The following PCDH8 variants were observed in gnomAD, a reference collection of about 807,000 sequenced individuals.
PCDH8 encodes the protein protocadherin 8, also known as protocadherin-8.
Under a neutral mutation model 58.2 loss-of-function variants are expected in PCDH8, and 36 were observed. The observed-to-expected ratio is 0.62, with a 90% CI of 0.47 to 0.82. The LOEUF (loss-of-function observed/expected upper bound fraction) is 0.82, where lower values mean the gene tolerates loss of function less well. PCDH8 is among the 40% of genes least tolerant of loss of function. PCDH8 has a pLI of 0.00. For synonymous variants in PCDH8, 775 were observed against 728.9 expected (o/e 1.06, Z -1.02); for missense variants, 1,493 against 1,567.8 (o/e 0.95, Z 0.81).
rs1240427701 is a variant in PCDH8 at position 52,844,905 on chromosome 13, C to T, written c.2868G>A (p.Lys956=). The change falls in exon 3 of 3, where the codon AAG becomes AAA. Residue 956 remains lysine, a synonymous_variant. Transcript: ENST00000377942. ...AGCAGCGGTCAGAGTGGCCCAGGAT[C>T]TTACACTCAGCGGTGCACGCCCACA... The part of the protein sequence containing the change: ...SGLWACTAEC[K]ILGHSDRCWS... 6.5e-7 allele frequency: 1 copy of T among 1,545,222 alleles called. No homozygotes were observed. Among genetic ancestry groups the T allele is most frequent in the East Asian group, 2.3e-5 (1 of 44,246 alleles).
In PCDH8 at chr13:52,847,264, C is replaced by G; in HGVS notation, c.1173G>C (p.Gly391=). ...GCGAAGTGGCACCAGCCTCCGGCGT[C>G]CCGGCTCCCGCCGGCGAGCTAGCGT... ...GADASSPAGA[G]TPEAGATSLV... Residue 391 remains glycine (G), a synonymous_variant, in exon 1 of 3, where the codon GGG becomes GGC. Transcript: ENST00000377942. 7.3e-7 allele frequency: 1 copy of G among 1,376,566 alleles called. No homozygotes were observed. The highest frequency in any genetic ancestry group is 9.3e-7 in the Non-Finnish European group (1 of 1,071,512). The allele number at this position is 1,376,566 out of a possible 1,614,324, so 85.3% of individuals were successfully genotyped here. A position where few individuals can be genotyped will look rare whatever the true frequency, so the allele number is the denominator to read the frequency against.
Position 52,846,708 on chromosome 13 carries a change from C to G in PCDH8, c.1729G>C (p.Val577Leu), listed in dbSNP as rs1434730493. The G allele has an allele frequency of 6.3e-7, 1 of 1,597,602 alleles. No individual in the cohort carries two copies. The highest frequency in any genetic ancestry group is 1.7e-5 in the Admixed American group (1 of 59,102). Residue 577 changes from valine to leucine, a missense_variant, in exon 1 of 3, where the codon GTT (valine) becomes CTT (leucine). Transcript: ENST00000377942. The part of the protein sequence containing the change: ...FDYETLRQLD[V>L]RIQASDGGSP... ...CCGCCGTCGCTAGCTTGGATGCGAA[C>G]GTCGAGTTGGCGCAGCGTCTCATAG...
At position 52,846,386 on chromosome 13, in the gene PCDH8, C is replaced by G. The variant is rs1387478819; in HGVS notation, c.2051G>C (p.Arg684Pro). Residue 684 changes from arginine to proline, a missense_variant, in exon 1 of 3, where the codon CGC becomes CCC. Physicochemically the swap from Arg to Pro is moderately radical, Grantham distance 103 (BLOSUM62 -2). This residue lies in a region of PCDH8 where 1,307 missense variants were observed against 1,362.7 expected (regional missense o/e 0.96). Coordinates refer to ENST00000377942, the MANE Select transcript of PCDH8 (RefSeq NM_002590.4). ...TATGACCAGGAGCGCCCTGAACACG[C>G]GACCGGGTGGCTCCTGCGAGAGGTC... ...TGDLSQEPPG[R>P]VFRALLVISD... 1 of 1,591,410 alleles carries G rather than the reference C, an allele frequency of 6.3e-7. No individual in the cohort carries two copies. Among genetic ancestry groups the G allele is most frequent in the Admixed American group, 1.7e-5 (1 of 59,278 alleles).
rs922922890 is a variant in PCDH8 at position 52,848,634 on chromosome 13, A to G, written c.-198T>C. On this transcript the variant is annotated 5_prime_UTR_variant, in exon 1 of 3. Coordinates refer to ENST00000377942, the MANE Select transcript of PCDH8 (RefSeq NM_002590.4). ...CACTCTGCGCCTCTCCGTCTCTTAC[A>G]GAAGCTGCGCCGCCTCGCGCCGCCT... 16 of 1,122,130 alleles carry G rather than the reference A, an allele frequency of 1.4e-5. No individual in the cohort carries two copies. The highest frequency in any genetic ancestry group is 1.4e-4 in the East Asian group (5 of 35,378). 69.5% of individuals were successfully genotyped at this position (1,122,130 alleles called of 1,614,324 possible).
Position 52,847,692 on chromosome 13 carries a change from C to T in PCDH8, c.745G>A (p.Ala249Thr). 4 of 1,551,826 alleles carry T rather than the reference C, an allele frequency of 2.6e-6. No homozygotes were observed. The highest frequency in any genetic ancestry group is 2.4e-5 in the East Asian group (1 of 41,156). ...NDHSPAFPQG[A>T]VAEVELAEDA... ...TCCGCCAGCTCCACTTCGGCCACGG[C>T]GCCCTGCGGGAAGGCCGGGCTGTGG... The change falls in exon 1 of 3, where the codon GCC becomes ACC. Residue 249 changes from alanine to threonine, a missense_variant. Ala to Thr is a moderately conservative substitution (Grantham distance 58, BLOSUM62 0). This residue lies in a region of PCDH8 where 1,307 missense variants were observed against 1,362.7 expected (regional missense o/e 0.96). Transcript: ENST00000377942.
rs1348404463 is a variant in PCDH8 at position 52,844,018 on chromosome 13, G to T, written c.*542C>A. The stretch of plus-strand genomic sequence containing the variant: ...ATCTTTTATTACTGTGCTTATAAGT[G>T]ACACGGTTTACGGAAAACCAAATGT... On this transcript the variant is annotated 3_prime_UTR_variant, in exon 3 of 3. Coordinates refer to ENST00000377942, the MANE Select transcript of PCDH8 (RefSeq NM_002590.4). 1 of 152,588 alleles carries T rather than the reference G, an allele frequency of 6.6e-6. No individual in the cohort carries two copies. The highest frequency in any genetic ancestry group is 2.4e-5 in the African/African-American group (1 of 41,444). 9.5% of individuals were successfully genotyped at this position (152,588 alleles called of 1,614,324 possible).
At position 52,846,781 on chromosome 13, in the gene PCDH8, G is replaced by A. The variant is rs768053326; in HGVS notation, c.1656C>T (p.Val552=). ...GRAGGAVSTY[V]SVDPATGAIY... ...TGGCTCCGGTAGCTGGGTCCACCGA[G>A]ACATAAGTGGACACGGCGCCCCCGG... is the stretch of plus-strand genomic sequence containing the variant. Residue 552 remains valine, a synonymous_variant, in exon 1 of 3, where the codon GTC becomes GTT. Coordinates refer to ENST00000377942, the MANE Select transcript of PCDH8 (RefSeq NM_002590.4). 1.1e-5 allele frequency: 17 copies of A among 1,565,740 alleles called. No individual in the cohort carries two copies. In the Admixed American group the frequency reaches 1.8e-4, roughly 17 times the overall value.
chr13:52,847,734 C>G lies in PCDH8; in HGVS notation c.703G>C (p.Val235Leu). 6.6e-7 allele frequency: 1 copy of G among 1,505,126 alleles called. No homozygotes were observed. The allele number at this position is 1,505,126 out of a possible 1,614,324, so 93.2% of individuals were successfully genotyped here. A position where few individuals can be genotyped will look rare whatever the true frequency, so the allele number is the denominator to read the frequency against. The change falls in exon 1 of 3, where the codon GTC (valine) becomes CTC (leucine). Residue 235 changes from valine (V) to leucine (L), a missense_variant. Transcript: ENST00000377942. ...RSATAALSVR[V>L]LDANDHSPAF... ...GGGCTGTGGTCATTCGCATCCAGGA[C>G]GCGCACGCTGAGGGCAGCCGTGGCG... is the stretch of plus-strand genomic sequence containing the variant.
Position 52,847,623 on chromosome 13 carries a change from C to A in PCDH8, c.814G>T (p.Asp272Tyr), listed in dbSNP as rs1356141764. The A allele has an allele frequency of 6.4e-7, 1 of 1,574,782 alleles. No individual in the cohort carries two copies. Among genetic ancestry groups the A allele is most frequent in the Non-Finnish European group, 8.6e-7 (1 of 1,169,158 alleles). The change falls in exon 1 of 3, where the codon GAC becomes TAC. Residue 272 changes from aspartate (D) to tyrosine (Y), a missense_variant. By Grantham distance (160) the Asp-to-Tyr change is radical. Transcript: ENST00000377942. ...GSLLLDLDAA[D>Y]PDEGPNGDVV... ...TCGCCGTTAGGTCCCTCGTCGGGGT[C>A]GGCTGCGTCCAGGTCGAGAAGCAGG...
rs758914059 is a variant in PCDH8 at position 52,846,414 on chromosome 13, C to T, written c.2023G>A (p.Gly675Ser). 2.4e-5 allele frequency: 39 copies of T among 1,598,098 alleles called. No individual in the cohort carries two copies. The highest frequency in any genetic ancestry group is 3.2e-5 in the Non-Finnish European group (38 of 1,177,220). ...GRRTGEILLT[G>S]DLSQEPPGRV... ...CCGGGTGGCTCCTGCGAGAGGTCGC[C>T]GGTGAGCAGTATCTCCCCCGTGCGG... is the stretch of plus-strand genomic sequence containing the variant. Residue 675 changes from glycine (G) to serine (S), a missense_variant, in exon 1 of 3, where the codon GGC becomes AGC. This residue lies in a region of PCDH8 where 1,307 missense variants were observed against 1,362.7 expected (regional missense o/e 0.96). Coordinates refer to ENST00000377942, the MANE Select transcript of PCDH8 (RefSeq NM_002590.4).
Position 52,847,457 on chromosome 13 carries a change from T to C in PCDH8, c.980A>G (p.Gln327Arg). 1.3e-6 allele frequency: 2 copies of C among 1,590,570 alleles called. No homozygotes were observed. Among genetic ancestry groups the C allele is most frequent in the African/African-American group, 2.8e-5 (2 of 72,506 alleles). The change falls in exon 1 of 3, where the codon CAG (glutamine) becomes CGG (arginine). Residue 327 changes from glutamine to arginine, a missense_variant. Physicochemically the swap from Gln to Arg is conservative, Grantham distance 43 (BLOSUM62 1). This residue lies in a region of PCDH8 where 1,307 missense variants were observed against 1,362.7 expected (regional missense o/e 0.96). Coordinates refer to ENST00000377942, the MANE Select transcript of PCDH8 (RefSeq NM_002590.4). ...AGCGCGGGGCCCGGGTCCGCGGTCCTGCGCCCGCACGTCCAGCTCGTAGGT... is the reference window on the plus strand; with the variant it reads ...AGCGCGGGGCCCGGGTCCGCGGTCCCGCGCCCGCACGTCCAGCTCGTAGGT... ...QDTYELDVRA[Q>R]DRGPGPRAAT...
Position 52,844,160 on chromosome 13 carries a change from A to C in PCDH8, c.*400T>G, listed in dbSNP as rs1216682908. The C allele has an allele frequency of 6.5e-6, 1 of 153,378 alleles. No homozygotes were observed. The highest frequency in any genetic ancestry group is 2.4e-5 in the African/African-American group (1 of 41,500). The allele number at this position is 153,378 out of a possible 1,614,324, so 9.5% of individuals were successfully genotyped here. A position where few individuals can be genotyped will look rare whatever the true frequency, so the allele number is the denominator to read the frequency against. On this transcript the variant is annotated 3_prime_UTR_variant, in exon 3 of 3. Transcript: ENST00000377942. ...TCAGGTGAAAGATAAATTTCAATTA[A>C]GTAATTCCAACATGTTTTGTTTTTT...
intron 1 of PCDH8, 23 bp from the exon 2 acceptor site, chr13:52,845,655 G>A: frequency 6.2e-7 from 1 of 1,611,384 alleles, no homozygotes; most frequent in Non-Finnish European, 8.5e-7. Flanking sequence ...ATAGGGGAAT[G>A]GGAGTGGGGG....
Position 52,847,128 on chromosome 13 carries a change from A to G in PCDH8, c.1309T>C (p.Phe437Leu), listed in dbSNP as rs538014890. The change falls in exon 1 of 3, where the codon TTC (phenylalanine) becomes CTC (leucine). Residue 437 changes from phenylalanine (F) to leucine (L), a missense_variant. By Grantham distance (22) the Phe-to-Leu change is conservative (BLOSUM62 0). Coordinates refer to ENST00000377942, the MANE Select transcript of PCDH8 (RefSeq NM_002590.4). ...VRCALYGHEH[F>L]RLQPAYAGSY... ...CCCGCGTAGGCCGGCTGCAGCCGGA[A>G]GTGCTCGTGCCCATAGAGGGCGCAG... 18 of 1,548,390 alleles carry G rather than the reference A, an allele frequency of 1.2e-5. No individual in the cohort carries two copies. The highest frequency in any genetic ancestry group is 1.1e-5 in the Non-Finnish European group (13 of 1,154,912).
rs369468266 is a variant in PCDH8 at position 52,847,924 on chromosome 13, G to A, written c.513C>T (p.Thr171=). ...DEDVGANGLQ[T]VRLAEPHSPF... is the part of the protein sequence containing the mutation. ...GGCTGTGCGGCTCGGCCAGGCGCAC[G>A]GTCTGCAGCCCGTTGGCGCCCACGT... The change falls in exon 1 of 3, where the codon ACC becomes ACT. Residue 171 remains threonine (T), a synonymous_variant. Coordinates refer to ENST00000377942, the MANE Select transcript of PCDH8 (RefSeq NM_002590.4). 1.9e-6 allele frequency: 3 copies of A among 1,600,396 alleles called. No homozygotes were observed. The highest frequency in any genetic ancestry group is 2.3e-5 in the East Asian group (1 of 44,116).
In PCDH8 at chr13:52,845,835, G is replaced by A. The variant is rs1231078003; in HGVS notation, c.2602C>T (p.Gln868Ter). Residue 868 changes from glutamine (Q) to a stop codon, truncating the protein, a stop_gained, in exon 1 of 3, where the codon CAG becomes TAG. Transcript: ENST00000377942. LOFTEE classifies it high-confidence loss of function. ...GCGTGCGCGCCGCGGAGCCGCTGCT[G>A]CCCCTCGAAGTGACAGGCGCTTTCC... ...TGESACHFEG[Q>*]QRLRGAHAEP... 4.6e-6 allele frequency: 7 copies of A among 1,515,240 alleles called. No individual in the cohort carries two copies. The highest frequency in any genetic ancestry group is 6.1e-6 in the Non-Finnish European group (7 of 1,139,742). 93.9% of individuals were successfully genotyped at this position (1,515,240 alleles called of 1,614,324 possible).
chr13:52,846,823 C>G lies in PCDH8; in HGVS notation c.1614G>C (p.Glu538Asp). Residue 538 changes from glutamate to aspartate, a missense_variant, in exon 1 of 3, where the codon GAG becomes GAC. Around this residue, in one of 3 missense-constraint regions of PCDH8, gnomAD observed 1,307 missense variants for 1,362.7 expected, o/e 0.96. Coordinates refer to ENST00000377942, the MANE Select transcript of PCDH8 (RefSeq NM_002590.4). ...RNGQVTYRLL[E>D]AEVGRAGGAV... ...CGCCCCCGGCGCGGCCCACCTCGGC[C>G]TCCAGCAGCCGGTAGGTGACCTGGC... The G allele has an allele frequency of 6.5e-7, 1 of 1,549,492 alleles. No individual in the cohort carries two copies. The highest frequency in any genetic ancestry group is 8.7e-7 in the Non-Finnish European group (1 of 1,153,906).
Position 52,844,901 on chromosome 13 carries a change from G to A in PCDH8, c.2872C>T (p.Leu958=), listed in dbSNP as rs759857297. 1.9e-6 allele frequency: 3 copies of A among 1,556,842 alleles called. No homozygotes were observed. The South Asian group carries it at 3.7e-5, about 19-fold the overall frequency. ...CTCCAGCAGCGGTCAGAGTGGCCCA[G>A]GATCTTACACTCAGCGGTGCACGCC... is the stretch of plus-strand genomic sequence containing the variant. ...LWACTAECKI[L]GHSDRCWSPS... is the part of the protein sequence containing the mutation. Residue 958 remains leucine, a synonymous_variant, in exon 3 of 3, where the codon CTG becomes TTG. Transcript: ENST00000377942.
rs1287328419 is a variant in PCDH8 at position 52,846,489 on chromosome 13, C to A, written c.1948G>T (p.Ala650Ser). The A allele has an allele frequency of 6.3e-7, 1 of 1,597,970 alleles. No homozygotes were observed. ...DADEGANGEL[A>S]FELQQQEPRE... The stretch of plus-strand genomic sequence containing the variant: ...GGCTCCTGCTGCTGCAGCTCGAACG[C>A]CAGCTCCCCGTTGGCTCCCTCGTCT... The change falls in exon 1 of 3, where the codon GCG becomes TCG. Residue 650 changes from alanine (A) to serine (S), a missense_variant. By Grantham distance (99) the Ala-to-Ser change is moderately conservative. Around this residue, in one of 3 missense-constraint regions of PCDH8, gnomAD observed 1,307 missense variants for 1,362.7 expected, o/e 0.96. Coordinates refer to ENST00000377942, the MANE Select transcript of PCDH8 (RefSeq NM_002590.4).
Sources: allele counts gnomAD v4.1 joint callset, GRCh38; gene constraint gnomAD v4.1.1; regional missense constraint gnomAD v4.1.1; transcripts MANE v1.5; gene names NCBI Gene and HGNC (gene_info 2026-07-23, HGNC 2026-07-21).